ICA1: variants seen among roughly 807,000 people sequenced by gnomAD.
ICA1 encodes 69 kDa islet cell autoantigen.
A neutral mutation model predicts 71.0 loss-of-function variants in ICA1; 40 were observed. The ratio of observed to expected loss-of-function variants is 0.56; its 90% CI spans 0.44 to 0.73. ICA1 has a LOEUF of 0.73. Ranked by LOEUF, ICA1 falls within the 30% of genes least tolerant of loss-of-function variation. The pLI is 0.00. For synonymous variants in ICA1, 207 were observed against 209.5 expected (o/e 0.99, Z 0.10); for missense variants, 578 against 576.5 (o/e 1.00, Z -0.03).
intron 1 of ICA1, among the ~76,000 whole-genome samples, chr7:8,245,041 C>T (rs543338496): frequency 2.0e-5 from 3 of 152,030 alleles, no homozygotes; most frequent in Non-Finnish European, 2.9e-5. Flanking sequence ...ACCATTTGAC[C>T]CAGTGATCCC....
intron 1 of ICA1, among the ~76,000 whole-genome samples, chr7:8,243,462 A>C (rs1290499160): frequency 6.6e-6 from 1 of 152,234 alleles, no homozygotes; most frequent in African/African-American, 2.4e-5. Flanking sequence ...CCAATATCAT[A>C]CTGAAAGGGC....
Position 8,149,285 on chromosome 7 carries a change from G to A in ICA1, c.805-5313C>T, listed in dbSNP as rs144813448. Among the ~76,000 whole-genome samples, 623 of 152,308 alleles carry A rather than the reference G, an allele frequency of 4.1e-3. 6 individuals are homozygous for A. Among genetic ancestry groups the A allele is most frequent in the African/African-American group, 0.014 (587 of 41,562 alleles). On this transcript the variant is annotated intron_variant, in intron 8 of 13. Coordinates refer to ENST00000402384, the MANE Select transcript of ICA1 (RefSeq NM_001136020.3). ...CTCATTAAAATTGCTCATGAAAATT[G>A]CTGTGTATTAGCAGCACACAGAGTC...
At chr7:8,216,584 C>A (rs28419076) in intron 6 of ICA1, among the ~76,000 whole-genome samples, 281 of 143,568 alleles carry the variant, frequency 2.0e-3, no homozygotes, top group African/African-American at 3.4e-3. Flanking sequence ...AAAACAAAAC[C>A]AAAAAAAAAA....
chr7:8,120,281 G>C (rs1786388431), intron 13 of ICA1, among the ~76,000 whole-genome samples: 1 of 152,188 alleles, frequency 6.6e-6, no homozygotes, highest in African/African-American at 2.4e-5. Flanking sequence ...TGCGCATGAA[G>C]AGATAAAATA....
chr7:8,118,906 C>G (rs180713874), intron 13 of ICA1, among the ~76,000 whole-genome samples: 1 of 152,154 alleles, frequency 6.6e-6, no homozygotes, highest in South Asian at 2.1e-4. Flanking sequence ...TTCAAGCTCA[C>G]GAGCCAATGC....
At chr7:8,200,489 G>A (rs1789244188) in intron 6 of ICA1, among the ~76,000 whole-genome samples, 1 of 152,120 alleles carries the variant, frequency 6.6e-6, no homozygotes, top group African/African-American at 2.4e-5. Context: ...GGAAATAAAG[G>A]AACAGATTGA....
Position 8,250,817 on chromosome 7 carries a change from T to C in ICA1, c.-80+11277A>G, listed in dbSNP as rs144390074. On this transcript the variant is annotated intron_variant, in intron 1 of 13. Coordinates refer to ENST00000402384, the MANE Select transcript of ICA1 (RefSeq NM_001136020.3). ...TTCATGGTAGCTAAAAGGTGAGTTT[T>C]TATTTTAACACTACAGATGCAAGCC... Among the ~76,000 whole-genome samples the C allele has an allele frequency of 4.1e-3, 627 of 152,362 alleles. 3 individuals are homozygous for C. Among genetic ancestry groups the C allele is most frequent in the African/African-American group, 0.013 (521 of 41,588 alleles).
rs1171412946 is a variant in ICA1 at position 8,119,990 on chromosome 7, T to C, written c.1331-5946A>G. On this transcript the variant is annotated intron_variant, in intron 13 of 13. Transcript: ENST00000402384. ...CTTTGTAAGTATGGATTTTTAAATA[T>C]TGTTCACCTAAAACACTCATGAACC... 3.3e-5 allele frequency among the ~76,000 whole-genome samples: 5 copies of C among 152,364 alleles called. No homozygotes were observed. The East Asian group carries it at 7.7e-4, about 23-fold the overall frequency.
chr7:8,256,379 C>G (rs1208264317), intron 1 of ICA1, among the ~76,000 whole-genome samples: 2 of 152,110 alleles, frequency 1.3e-5, no homozygotes, highest in African/African-American at 2.4e-5. Context: ...AAATCTTACT[C>G]TCCTCCCCAC....
intron 1 of ICA1, chr7:8,236,668 T>C (rs1282016730): frequency 6.6e-6 from 1 of 152,080 alleles, no homozygotes; most frequent in Non-Finnish European, 1.5e-5. Flanking sequence ...AGGTGGAAAA[T>C]AGGTATCTAC....
intron 6 of ICA1, among the ~76,000 whole-genome samples, chr7:8,210,648 G>GT (rs1325541241): frequency 3.4e-4 from 2 of 5,824 alleles, no homozygotes; most frequent in African/African-American, 2.4e-3. Context: ...ACCACAGAGG[G>GT]GAAAAAAAAA....
rs540788137 is a variant in ICA1, at chr7:8,226,734, T to C, written c.256+1867A>G. Among the ~76,000 whole-genome samples, 25 of 152,212 alleles carry C rather than the reference T, an allele frequency of 1.6e-4. No individual in the cohort carries two copies. The highest frequency in any genetic ancestry group is 3.5e-4 in the Non-Finnish European group (24 of 68,038). The stretch of plus-strand genomic sequence containing the variant: ...TAGCGGGTAGACATAAAAGGGCTTA[T>C]CTACCATCCACAGCCAGCTCTGCTG... On this transcript the variant is annotated intron_variant, in intron 4 of 13. Coordinates refer to ENST00000402384, the MANE Select transcript of ICA1 (RefSeq NM_001136020.3). The surrounding 1 kb of genome is among the most constrained non-coding windows in gnomAD (Gnocchi z 4.4).
At chr7:8,172,473 A>G (rs1222754270) in intron 6 of ICA1, among the ~76,000 whole-genome samples, 1 of 152,164 alleles carries the variant, frequency 6.6e-6, no homozygotes, top group Non-Finnish European at 1.5e-5. Flanking sequence ...CTTTACATTT[A>G]AGGTGTGTGC....
chr7:8,208,898 C>T (rs12667573), intron 6 of ICA1, among the ~76,000 whole-genome samples: 1 of 152,122 alleles, frequency 6.6e-6, no homozygotes, highest in Non-Finnish European at 1.5e-5. Context: ...ATTCAAGCTG[C>T]TGAGGCACTG....
chr7:8,195,447 G>A (rs1787132530), intron 6 of ICA1, among the ~76,000 whole-genome samples: 1 of 152,154 alleles, frequency 6.6e-6, no homozygotes, highest in Non-Finnish European at 1.5e-5. Flanking sequence ...GGAGGCTGAG[G>A]CAGGAGAATC....
intron 6 of ICA1, among the ~76,000 whole-genome samples, chr7:8,183,094 G>A (rs1782720624): frequency 1.3e-5 from 2 of 152,182 alleles, no homozygotes; most frequent in South Asian, 4.1e-4. Context: ...CATAAGAGAA[G>A]AAAGTTACAA....
intron 4 of ICA1, among the ~76,000 whole-genome samples, chr7:8,227,198 A>T (rs1197012493): frequency 1.3e-5 from 2 of 152,228 alleles, no homozygotes; most frequent in African/African-American, 4.8e-5. Flanking sequence ...GGTTTAAGCC[A>T]AGGAAGAATC....
intron 6 of ICA1, among the ~76,000 whole-genome samples, chr7:8,176,356 GT>G (rs1054472492): frequency 6.6e-6 from 1 of 152,162 alleles, no homozygotes; most frequent in African/African-American, 2.4e-5. Flanking sequence ...CCGCTTAAGG[GT>G]TTGCTCCTCT....
intron 10 of ICA1, 110 bp downstream of exon 10, chr7:8,141,655 G>A: frequency 1.5e-6 from 1 of 663,884 alleles, no homozygotes; most frequent in Non-Finnish European, 2.6e-6. Flanking sequence ...CCTTTTCTCA[G>A]TTGAAAAAGA....
Sources: allele counts gnomAD v4.1 joint callset (sites outside exome capture counted in the v4.1 genomes callset), GRCh38; gene constraint gnomAD v4.1.1; non-coding constraint Gnocchi (gnomAD v3.1); transcripts MANE v1.5; gene names NCBI Gene and HGNC (gene_info 2026-07-23, HGNC 2026-07-21).